The following FZR1 variants were observed in gnomAD, a reference collection of about 807,000 sequenced individuals.
FZR1 encodes fizzy and cell division cycle 20 related 1.
A neutral mutation model predicts 63.6 loss-of-function variants in FZR1; 11 were observed. The ratio of observed to expected loss-of-function variants is 0.17; its 90% CI spans 0.11 to 0.29. FZR1 has a LOEUF of 0.29. FZR1 is among the 10% of genes least tolerant of loss of function. The probability of loss-of-function intolerance (pLI) is 1.00; values close to 1 mark genes in which losing one functional copy is unlikely to be tolerated. For synonymous variants in FZR1, 328 were observed against 297.9 expected (o/e 1.10, Z -1.04); for missense variants, 440 against 687.5 (o/e 0.64, Z 4.03).
At chr19:3,523,732 C>G (rs2083125064) in intron 2 of FZR1, among the ~76,000 whole-genome samples, 1 of 152,260 alleles carries the variant, frequency 6.6e-6, no homozygotes, top group Admixed American at 6.5e-5. Context: ...GAGTCCCTCC[C>G]CCATGGGCTG....
rs1555695150 is a variant in FZR1 at position 3,537,169 on chromosome 19, CGT to C, written c.*2336_*2337del. 1 of 152,434 alleles carries C rather than the reference CGT, an allele frequency of 6.6e-6. No homozygotes were observed. The highest frequency in any genetic ancestry group is 1.5e-5 in the Non-Finnish European group (1 of 68,234). The allele number at this position is 152,434 out of a possible 1,614,324, so 9.4% of individuals were successfully genotyped here. ...GGTCCCATGATGATGGGCCAGGGCTCGTGTAGAAATGGGGGAATTGGTTCCCC... is the reference window on the plus strand; with the variant it reads ...GGTCCCATGATGATGGGCCAGGGCTCGTAGAAATGGGGGAATTGGTTCCCC... On this transcript the variant is annotated 3_prime_UTR_variant, in exon 14 of 14. Transcript: ENST00000441788.
intron 1 of FZR1, among the ~76,000 whole-genome samples, chr19:3,513,018 G>A (rs188112720): frequency 2.6e-5 from 4 of 152,170 alleles, no homozygotes; most frequent in East Asian, 3.9e-4. Flanking sequence ...TGGACATCAC[G>A]CCCAGGCACC....
In FZR1 at chr19:3,514,204, T is replaced by C. The variant is rs2083042631; in HGVS notation, c.-35+7730T>C. 6.6e-6 allele frequency among the ~76,000 whole-genome samples: 1 copy of C among 152,180 alleles called. No individual in the cohort carries two copies. Among genetic ancestry groups the C allele is most frequent in the Non-Finnish European group, 1.5e-5 (1 of 68,028 alleles). ...TCGAGCCTGGAGACAAATCGTGCCG[T>C]GCCATTGGCCCCCACAAACAGTGCC... On this transcript the variant is annotated intron_variant, in intron 1 of 13. Transcript: ENST00000441788. The surrounding 1 kb of genome is among the most constrained non-coding windows in gnomAD (Gnocchi z 4.2).
Position 3,526,404 on chromosome 19 carries a change from C to T in FZR1, c.387+18C>T, listed in dbSNP as rs1416414985. 1.3e-6 allele frequency: 2 copies of T among 1,551,744 alleles called. No individual in the cohort carries two copies. Among genetic ancestry groups the T allele is most frequent in the South Asian group, 2.3e-5 (2 of 85,690 alleles). Reference sequence around the variant, plus strand: ...TGTTCACGGTAAGCCTGCGGCACCCCCCACCCGGGAGCTGGCTCCCAGTGC... The same window carrying T: ...TGTTCACGGTAAGCCTGCGGCACCCTCCACCCGGGAGCTGGCTCCCAGTGC... On this transcript the variant is annotated intron_variant, in intron 5 of 13. Coordinates refer to ENST00000441788, the MANE Select transcript of FZR1 (RefSeq NM_016263.4). The surrounding 1 kb of genome is among the most constrained non-coding windows in gnomAD (Gnocchi z 5.4).
chr19:3,531,771 G>A lies in FZR1; in HGVS notation c.778G>A (p.Ala260Thr), dbSNP rs754635012. Residue 260 changes from alanine to threonine, a missense_variant, in exon 9 of 14, where the codon GCA (alanine) becomes ACA (threonine). By Grantham distance (58) the Ala-to-Thr change is moderately conservative (BLOSUM62 0). Coordinates refer to ENST00000441788, the MANE Select transcript of FZR1 (RefSeq NM_016263.4). Reference protein sequence around the residue: ...KGFVQIWDAAAGKKLSMLEGH... With the variant: ...KGFVQIWDAATGKKLSMLEGH... ...CTTCGTGCAGATCTGGGACGCAGCC[G>A]CAGGGAAGAAGCTGTCCATGTTGGA... is the stretch of plus-strand genomic sequence containing the variant. 32 of 1,549,860 alleles carry A rather than the reference G, an allele frequency of 2.1e-5. No homozygotes were observed. Among genetic ancestry groups the A allele is most frequent in the African/African-American group, 1.1e-4 (8 of 72,994 alleles).
rs1256800016 is a variant in FZR1, at chr19:3,532,546, C to T, written c.1138C>T (p.Arg380Cys). ...GGCCTCGGGGGGCGGCACAGCTGAC[C>T]GCTGTATCCGCTTCTGGAACACGCT... ...LLASGGGTAD[R>C]CIRFWNTLTG... The change falls in exon 11 of 14, where the codon CGC becomes TGC. Residue 380 changes from arginine to cysteine, a missense_variant. Arg to Cys is a radical substitution (Grantham distance 180). Transcript: ENST00000441788. 3.7e-6 allele frequency: 6 copies of T among 1,612,354 alleles called. No individual in the cohort carries two copies. Among genetic ancestry groups the T allele is most frequent in the African/African-American group, 1.3e-5 (1 of 75,028 alleles).
At chr19:3,513,120 C>A (rs780754243) in intron 1 of FZR1, among the ~76,000 whole-genome samples, 5 of 151,962 alleles carry the variant, frequency 3.3e-5, no homozygotes, top group Non-Finnish European at 7.4e-5. Flanking sequence ...ACACCTGGGA[C>A]CCCTCAGGCA....
intron 7 of FZR1, among the ~76,000 whole-genome samples, chr19:3,529,697 T>TGAGAGGATGGGAGAGCGGATGGGA (rs1437653805): frequency 1.1e-5 from 1 of 92,956 alleles, no homozygotes; most frequent in African/African-American, 7.5e-5. Flanking sequence ...AGTGGATGGT[T>TGAGAGGATGGGAGAGCGGATGGGA]GAGCGGATGG....
intron 1 of FZR1, among the ~76,000 whole-genome samples, chr19:3,507,644 A>C (rs1169519435): frequency 2.0e-5 from 3 of 152,130 alleles, no homozygotes; most frequent in Non-Finnish European, 4.4e-5. Flanking sequence ...AAAACCATCC[A>C]CCAAGGACAC....
chr19:3,515,853 C>T lies in FZR1; in HGVS notation c.-34-7103C>T, dbSNP rs550507382. Among the ~76,000 whole-genome samples the T allele has an allele frequency of 6.6e-6, 1 of 152,142 alleles. No homozygotes were observed. The highest frequency in any genetic ancestry group is 1.5e-5 in the Non-Finnish European group (1 of 67,994). On this transcript the variant is annotated intron_variant, in intron 1 of 13. Coordinates refer to ENST00000441788, the MANE Select transcript of FZR1 (RefSeq NM_016263.4). The surrounding 1 kb of genome is among the most constrained non-coding windows in gnomAD (Gnocchi z 4.6). The stretch of plus-strand genomic sequence containing the variant: ...CTTTCCTCCCCAATCCTCGTCCTCT[C>T]CTTCCTCTCCCCACCCACCCCATGA...
chr19:3,514,384 G>A lies in FZR1; in HGVS notation c.-35+7910G>A, dbSNP rs1422313514. Among the ~76,000 whole-genome samples, 7 of 152,202 alleles carry A rather than the reference G, an allele frequency of 4.6e-5. No homozygotes were observed. Among genetic ancestry groups the A allele is most frequent in the Non-Finnish European group, 1.0e-4 (7 of 68,018 alleles). ...CTTGCACCCTGTGGACATTGGGGCC[G>A]GATCGTTCTCTGGGGTGCGGCCGTC... On this transcript the variant is annotated intron_variant, in intron 1 of 13. Coordinates refer to ENST00000441788, the MANE Select transcript of FZR1 (RefSeq NM_016263.4). This position sits in a 1 kb window ranked among gnomAD's most constrained non-coding sequence, Gnocchi z 4.2.
chr19:3,533,644 CATTT>C lies in FZR1; in HGVS notation c.1347+247_1347+250del. 1 of 497,766 alleles carries C rather than the reference CATTT, an allele frequency of 2.0e-6. No homozygotes were observed. The highest frequency in any genetic ancestry group is 3.5e-5 in the East Asian group (1 of 28,788). 30.8% of individuals were successfully genotyped at this position (497,766 alleles called of 1,614,324 possible). A position where few individuals can be genotyped will look rare whatever the true frequency, so the allele number is the denominator to read the frequency against. On this transcript the variant is annotated intron_variant, in intron 12 of 13. Coordinates refer to ENST00000441788, the MANE Select transcript of FZR1 (RefSeq NM_016263.4). This position sits in a 1 kb window ranked among gnomAD's most constrained non-coding sequence, Gnocchi z 4.9. ...TCCTCCTGGAGGACCTTAGCTTCTT[CATTT>C]GTTTATTTTCCCCATAAAGAGGGGT... is the stretch of plus-strand genomic sequence containing the variant.
At chr19:3,520,998 C>A (rs1468324552) in intron 1 of FZR1, among the ~76,000 whole-genome samples, 1 of 152,232 alleles carries the variant, frequency 6.6e-6, no homozygotes, top group Non-Finnish European at 1.5e-5. Flanking sequence ...TCACAGGGTG[C>A]AACGTCCTCA....
rs2083258502 is a variant in FZR1, at chr19:3,532,471, C to T, written c.1063C>T (p.Leu355=). 6.2e-7 allele frequency: 1 copy of T among 1,603,240 alleles called. No homozygotes were observed. Among genetic ancestry groups the T allele is most frequent in the Non-Finnish European group, 8.5e-7 (1 of 1,173,378 alleles). Residue 355 remains leucine (L), a synonymous_variant, in exon 11 of 14, where the codon CTG becomes TTG. Transcript: ENST00000441788. ...LSPVQQYTEH[L]AAVKAIAWSP... is the part of the protein sequence containing the mutation. ...CCCCGTGCAGCAGTACACGGAGCACCTGGCGGCCGTGAAGGCCATCGCCTG... is the reference window on the plus strand; with the variant it reads ...CCCCGTGCAGCAGTACACGGAGCACTTGGCGGCCGTGAAGGCCATCGCCTG...
Position 3,525,971 on chromosome 19 carries a change from G to C in FZR1, c.173G>C (p.Ser58Thr), listed in dbSNP as rs2083152675. Residue 58 changes from serine (S) to threonine (T), a missense_variant, in exon 3 of 14, where the codon AGC becomes ACC. Ser to Thr is a moderately conservative substitution (Grantham distance 58). This residue lies in a region of FZR1 where 200 missense variants were observed against 245.1 expected (regional missense o/e 0.82). Coordinates refer to ENST00000441788, the MANE Select transcript of FZR1 (RefSeq NM_016263.4). The surrounding 1 kb of genome is among the most constrained non-coding windows in gnomAD (Gnocchi z 4.2). ...FIPSRAGANW[S>T]VNFHRINENE... ...CCCTCCAGAGCCGGAGCCAACTGGA[G>C]CGTGAACTTCCACAGGATTAACGTG... 9 of 1,612,204 alleles carry C rather than the reference G, an allele frequency of 5.6e-6. No homozygotes were observed. Among genetic ancestry groups the C allele is most frequent in the Admixed American group, 1.7e-5 (1 of 59,974 alleles).
At position 3,532,645 on chromosome 19, in the gene FZR1, G is replaced by C; in HGVS notation, c.1237G>C (p.Glu413Gln). Reference protein sequence around the residue: ...CNLAWSKHANELVSTHGYSQN... With the variant: ...CNLAWSKHANQLVSTHGYSQN... The stretch of plus-strand genomic sequence containing the variant: ...TCTGGCCTGGTCCAAGCACGCCAAC[G>C]AGCTGGTGAGCACGGGCGGCCCGGC... Residue 413 changes from glutamate to glutamine, a missense_variant, in exon 11 of 14, where the codon GAG becomes CAG. Physicochemically the swap from Glu to Gln is conservative, Grantham distance 29. Coordinates refer to ENST00000441788, the MANE Select transcript of FZR1 (RefSeq NM_016263.4). 6.2e-7 allele frequency: 1 copy of C among 1,610,240 alleles called. No homozygotes were observed. The highest frequency in any genetic ancestry group is 8.5e-7 in the Non-Finnish European group (1 of 1,177,914).
intron 2 of FZR1, among the ~76,000 whole-genome samples, chr19:3,523,260 G>A (rs2083120661): frequency 6.6e-6 from 1 of 152,252 alleles, no homozygotes. Context: ...GCCCAGCGGG[G>A]CTTGGATGGA....
rs912924095 is a variant in FZR1, at chr19:3,526,766, C to T, written c.388-214C>T. 7.1e-6 allele frequency among the ~76,000 whole-genome samples: 1 copy of T among 141,792 alleles called. No individual in the cohort carries two copies. Among genetic ancestry groups the T allele is most frequent in the South Asian group, 2.6e-4 (1 of 3,824 alleles). The allele number at this position is 141,792 out of a possible 152,430, so 93.0% of individuals were successfully genotyped here. A position where few individuals can be genotyped will look rare whatever the true frequency, so the allele number is the denominator to read the frequency against. On this transcript the variant is annotated intron_variant, in intron 5 of 13. Coordinates refer to ENST00000441788, the MANE Select transcript of FZR1 (RefSeq NM_016263.4). The surrounding 1 kb of genome is among the most constrained non-coding windows in gnomAD (Gnocchi z 5.4). Reference sequence around the variant, plus strand: ...CCGGGAGCTCAAAGGCAGGATCACACGGAGCCTGGCTTGGGTCCCTCGAGA... The same window carrying T: ...CCGGGAGCTCAAAGGCAGGATCACATGGAGCCTGGCTTGGGTCCCTCGAGA...
Position 3,515,474 on chromosome 19 carries a change from T to C in FZR1, c.-34-7482T>C, listed in dbSNP as rs1177871251. On this transcript the variant is annotated intron_variant, in intron 1 of 13. Transcript: ENST00000441788. This position sits in a 1 kb window ranked among gnomAD's most constrained non-coding sequence, Gnocchi z 4.6. ...ACCTCACAGTTCACGTGATACAGAA[T>C]TCTAGAAGTACAGGCCGGGCGCGGT... is the stretch of plus-strand genomic sequence containing the variant. 6.6e-6 allele frequency among the ~76,000 whole-genome samples: 1 copy of C among 152,072 alleles called. No individual in the cohort carries two copies. The highest frequency in any genetic ancestry group is 2.4e-5 in the African/African-American group (1 of 41,396).
Sources: gnomAD v4.1 joint callset for allele counts (sites outside exome capture counted in the v4.1 genomes callset) on GRCh38, gnomAD v4.1.1 for gene constraint, gnomAD v4.1.1 regional missense constraint, Gnocchi (gnomAD v3.1) non-coding constraint, MANE v1.5 for transcripts, NCBI Gene and HGNC (gene_info 2026-07-23, HGNC 2026-07-21) for gene names.